Variants in TMEM108 observed in about 807,000 individuals in gnomAD.
The protein encoded by TMEM108 is transmembrane protein 108.
Under a neutral mutation model 35.1 loss-of-function variants are expected in TMEM108, and 12 were observed. The ratio of observed to expected loss-of-function variants is 0.34; its 90% confidence interval spans 0.22 to 0.55. The LOEUF (loss-of-function observed/expected upper bound fraction) is 0.55. Ranked by LOEUF, TMEM108 falls within the 20% of genes least tolerant of loss-of-function variation. TMEM108 has a pLI of 0.89. For missense variants in TMEM108, 680 were observed against 753.3 expected (o/e 0.90, Z 1.14); for synonymous variants, 287 against 308.6 (o/e 0.93, Z 0.73).
intron 2 of TMEM108, among the ~76,000 whole-genome samples, chr3:133,068,145 A>G (rs908097929): frequency 2.0e-5 from 3 of 151,908 alleles, no homozygotes; most frequent in African/African-American, 7.3e-5. Context: ...GTTATCTCTT[A>G]AAGGTCCCAC....
At chr3:133,183,912 T>G (rs555149709) in intron 2 of TMEM108, among the ~76,000 whole-genome samples, 1 of 152,224 alleles carries the variant, frequency 6.6e-6, no homozygotes, top group South Asian at 2.1e-4. Context: ...CCGTACCTAC[T>G]TGGGGGCATT....
intron 2 of TMEM108, among the ~76,000 whole-genome samples, chr3:133,053,890 C>G (rs994438300): frequency 6.6e-6 from 1 of 152,168 alleles, no homozygotes; most frequent in Non-Finnish European, 1.5e-5. Flanking sequence ...AGACCAAACT[C>G]CAAAAGAAGA....
intron 3 of TMEM108, among the ~76,000 whole-genome samples, chr3:133,290,757 A>G (rs760544321): frequency 2.0e-5 from 3 of 152,232 alleles, no homozygotes; most frequent in Non-Finnish European, 4.4e-5. Flanking sequence ...AAGCAAAAGA[A>G]AATGGCGTGT....
chr3:133,061,634 T>C (rs1263268309), intron 2 of TMEM108, among the ~76,000 whole-genome samples: 1 of 152,220 alleles, frequency 6.6e-6, no homozygotes, highest in Non-Finnish European at 1.5e-5. Context: ...GATTGGACAT[T>C]GCTTTCATAG....
chr3:133,338,767 C>T (rs1190681189), intron 3 of TMEM108, among the ~76,000 whole-genome samples: 4 of 151,862 alleles, frequency 2.6e-5, no homozygotes, highest in African/African-American at 9.7e-5. Context: ...ACATTGACAG[C>T]ACGATAAGAT....
At chr3:133,228,491 C>T (rs183045269) in intron 2 of TMEM108, among the ~76,000 whole-genome samples, 358 of 152,156 alleles carry the variant, frequency 2.4e-3, no homozygotes, top group Admixed American at 4.2e-3. Context: ...AATTTATGTC[C>T]TTCCATAATG....
chr3:133,344,613 A>G (rs942013630), intron 3 of TMEM108, among the ~76,000 whole-genome samples: 8 of 151,900 alleles, frequency 5.3e-5, no homozygotes, highest in African/African-American at 1.7e-4. Flanking sequence ...AAAATGGAAT[A>G]TAATTAGAAA....
intron 2 of TMEM108, among the ~76,000 whole-genome samples, chr3:133,056,525 C>T (rs1421640859): frequency 1.3e-5 from 2 of 152,154 alleles, no homozygotes; most frequent in African/African-American, 4.8e-5. Flanking sequence ...TGCCCAGGTT[C>T]TATTTTCTGC....
chr3:133,321,364 C>T (rs1041186616), intron 3 of TMEM108, among the ~76,000 whole-genome samples: 2 of 151,974 alleles, frequency 1.3e-5, no homozygotes, highest in African/African-American at 2.4e-5. Flanking sequence ...GCAAGAGTAG[C>T]GATTCTTATA....
intron 2 of TMEM108, among the ~76,000 whole-genome samples, chr3:133,078,687 G>A (rs898526197): frequency 6.6e-6 from 1 of 152,186 alleles, no homozygotes; most frequent in Non-Finnish European, 1.5e-5. Flanking sequence ...AACTGGAGGA[G>A]TTTTAAGCTT....
Position 133,281,885 on chromosome 3 carries a change from T to C in TMEM108, c.40+52534T>C, listed in dbSNP as rs528924299. 1.8e-4 allele frequency among the ~76,000 whole-genome samples: 27 copies of C among 152,302 alleles called. No individual in the cohort carries two copies. The South Asian group carries it at 5.2e-3, about 29-fold the overall frequency. On this transcript the variant is annotated intron_variant, in intron 3 of 5. Coordinates refer to ENST00000321871, the MANE Select transcript of TMEM108 (RefSeq NM_023943.4). ...AAGATAGACAAGGACAGGCTGGGCT[T>C]GGTGGCTCAAGCCTGTAATCCCAGC...
intron 3 of TMEM108, among the ~76,000 whole-genome samples, chr3:133,300,069 C>T (rs1172829589): frequency 6.6e-6 from 1 of 152,130 alleles, no homozygotes; most frequent in Non-Finnish European, 1.5e-5. Flanking sequence ...CGGTAGACTA[C>T]TTCATTGGTC....
chr3:133,256,394 C>T (rs1946546567), intron 3 of TMEM108, among the ~76,000 whole-genome samples: 1 of 152,098 alleles, frequency 6.6e-6, no homozygotes, highest in Admixed American at 6.6e-5. Context: ...AAGGAATAGC[C>T]AGCAAAGAAA....
intron 2 of TMEM108, among the ~76,000 whole-genome samples, chr3:133,050,762 A>G (rs1206886942): frequency 6.6e-6 from 1 of 151,200 alleles, no homozygotes; most frequent in Non-Finnish European, 1.5e-5. Flanking sequence ...ATCATGTAAT[A>G]TGTAGCCTTT....
At chr3:133,361,613 G>A (rs1383917760) in intron 3 of TMEM108, among the ~76,000 whole-genome samples, 1 of 152,108 alleles carries the variant, frequency 6.6e-6, no homozygotes, top group African/African-American at 2.4e-5. Context: ...CTGAAGATTT[G>A]CCCACTCACA....
At chr3:133,223,161 G>T (rs1946017572) in intron 2 of TMEM108, among the ~76,000 whole-genome samples, 1 of 152,170 alleles carries the variant, frequency 6.6e-6, no homozygotes, top group Non-Finnish European at 1.5e-5. Context: ...CCTCATCCTT[G>T]TTGCCATGTG....
At chr3:133,069,593 A>G (rs1251704124) in intron 2 of TMEM108, among the ~76,000 whole-genome samples, 2 of 152,128 alleles carry the variant, frequency 1.3e-5, no homozygotes, top group East Asian at 1.9e-4. Context: ...GTTCTCCTCT[A>G]TATTTGATCC....
chr3:133,361,687 G>A (rs1304558994), intron 3 of TMEM108, among the ~76,000 whole-genome samples: 1 of 152,176 alleles, frequency 6.6e-6, no homozygotes, highest in Non-Finnish European at 1.5e-5. Flanking sequence ...GGACTCCTAA[G>A]CATCTCTCTC....
intron 2 of TMEM108, among the ~76,000 whole-genome samples, chr3:133,221,683 T>TTTC (rs35454712): frequency 3.5e-5 from 4 of 113,332 alleles, no homozygotes; most frequent in African/African-American, 1.4e-4. Context: ...TTTTTTTTTT[T>TTTC]CACTTTTGTG....
Sources: allele counts gnomAD v4.1 joint callset (sites outside exome capture counted in the v4.1 genomes callset), GRCh38; gene constraint gnomAD v4.1.1; transcripts MANE v1.5; gene names NCBI Gene and HGNC (gene_info 2026-07-23, HGNC 2026-07-21).